ELF2: variants seen among roughly 807,000 people sequenced by gnomAD.
ELF2 encodes the protein ETS-related transcription factor Elf-2.
A neutral mutation model predicts 54.8 loss-of-function variants in ELF2; 11 were observed. The ratio of observed to expected loss-of-function variants is 0.20; its 90% CI spans 0.13 to 0.33. ELF2 has a LOEUF of 0.33. Ranked by LOEUF, ELF2 falls within the 10% of genes least tolerant of loss-of-function variation. The pLI is 1.00. For synonymous variants in ELF2, 203 were observed against 245.1 expected, an observed-to-expected ratio of 0.83 and a Z score of 1.61; for missense variants, 513 against 703.0, an observed-to-expected ratio of 0.73 and a Z score of 3.06.
intron 4 of ELF2, among the ~76,000 whole-genome samples, chr4:139,103,847 T>G (rs910371922): frequency 6.6e-6 from 1 of 152,248 alleles, no homozygotes; most frequent in African/African-American, 2.4e-5. Flanking sequence ...GTTGAGAGCA[T>G]AGTGAGACAA....
At chr4:139,172,879 T>C (rs1198547128) in intron 1 of ELF2, among the ~76,000 whole-genome samples, 1 of 5,904 alleles carries the variant, frequency 1.7e-4, no homozygotes, top group Non-Finnish European at 2.8e-4. Flanking sequence ...CCCACACAGA[T>C]AACGGGGGGG....
intron 4 of ELF2, chr4:139,084,217 T>G (rs772919151): frequency 1.9e-6 from 3 of 1,612,596 alleles, no homozygotes; most frequent in Non-Finnish European, 1.7e-6. Context: ...GAGCTGCTGC[T>G]TCACATTGAC....
Position 139,151,965 on chromosome 4 carries a change from A to G in ELF2, c.-251-12468T>C, listed in dbSNP as rs537021731. Among the ~76,000 whole-genome samples the G allele has an allele frequency of 2.0e-5, 3 of 152,348 alleles. No homozygotes were observed. The South Asian group carries it at 6.2e-4, about 32-fold the overall frequency. ...AATTATCTTACTTGCTATTACACCA[A>G]TCATATCTGAAACACCTAACAGATC... On this transcript the variant is annotated intron_variant, in intron 1 of 9. Coordinates refer to ENST00000686138, the MANE Select transcript of ELF2 (RefSeq NM_001331036.3).
At chr4:139,084,444 C>CAGGGGCAGG (rs1191717767) in intron 4 of ELF2, 11 of 1,146,216 alleles carry the variant, frequency 9.6e-6, no homozygotes, top group African/African-American at 6.6e-5. Flanking sequence ...GCAGGGGCGG[C>CAGGGGCAGG]GGCGGCGGCG....
chr4:139,132,412 A>T (rs1238585660), intron 3 of ELF2, among the ~76,000 whole-genome samples: 1 of 152,136 alleles, frequency 6.6e-6, no homozygotes, highest in Admixed American at 6.5e-5. Flanking sequence ...GTTCCCTCAT[A>T]CCTAACTTTA....
intron 3 of ELF2, among the ~76,000 whole-genome samples, chr4:139,133,174 G>T (rs1737725776): frequency 6.6e-6 from 1 of 152,022 alleles, no homozygotes; most frequent in Non-Finnish European, 1.5e-5. Context: ...GCCCGCCTCG[G>T]CTTCCGAAAA....
intron 4 of ELF2, chr4:139,102,261 G>T (rs922042438): frequency 6.6e-6 from 1 of 151,650 alleles, no homozygotes; most frequent in Non-Finnish European, 1.5e-5. Context: ...AGTGGCTCAC[G>T]CCTGTCATCC....
At chr4:139,071,057 T>C (rs1729436913) in intron 6 of ELF2, among the ~76,000 whole-genome samples, 1 of 152,156 alleles carries the variant, frequency 6.6e-6, no homozygotes, top group Admixed American at 6.5e-5. Flanking sequence ...TTACTGCCCA[T>C]TTCCTCATGA....
At chr4:139,089,324 G>C (rs908387156) in intron 4 of ELF2, among the ~76,000 whole-genome samples, 2 of 152,026 alleles carry the variant, frequency 1.3e-5, no homozygotes, top group Non-Finnish European at 2.9e-5. Context: ...AACCACACAG[G>C]AATTGCTAAA....
intron 4 of ELF2, chr4:139,084,196 T>TC (rs759459598): frequency 6.2e-7 from 1 of 1,613,292 alleles, no homozygotes; most frequent in African/African-American, 1.3e-5. Context: ...GCCATGTTTA[T>TC]CCCGGGGCTG....
intron 4 of ELF2, among the ~76,000 whole-genome samples, chr4:139,091,924 C>A (rs1287841409): frequency 6.7e-6 from 1 of 148,816 alleles, no homozygotes; most frequent in African/African-American, 2.5e-5. Context: ...TATATATACA[C>A]ACATATATAT....
chr4:139,141,231 T>C (rs1738666503), intron 1 of ELF2, among the ~76,000 whole-genome samples: 1 of 152,178 alleles, frequency 6.6e-6, no homozygotes. Flanking sequence ...CATCCTTCTA[T>C]CTTGACTAAT....
intron 4 of ELF2, chr4:139,116,702 T>C: frequency 1.0e-6 from 1 of 985,440 alleles, no homozygotes; most frequent in Non-Finnish European, 1.2e-6. Flanking sequence ...AATCCTAGGA[T>C]AGGGGCTCGT....
chr4:139,062,216 G>A, intron 7 of ELF2, 159 bp from the exon 8 acceptor site: 2 of 705,374 alleles, frequency 2.8e-6, no homozygotes, highest in Non-Finnish European at 4.4e-6. Context: ...TGTCGCCCAG[G>A]CTGGAGTGCA....
chr4:139,127,419 A>T (rs1409649318), intron 3 of ELF2, among the ~76,000 whole-genome samples: 1 of 152,180 alleles, frequency 6.6e-6, no homozygotes, highest in Non-Finnish European at 1.5e-5. Flanking sequence ...AGTGAACCTG[A>T]CTATTCAGCT....
chr4:139,130,057 C>G (rs1197392478), intron 3 of ELF2, among the ~76,000 whole-genome samples: 1 of 152,110 alleles, frequency 6.6e-6, no homozygotes, highest in East Asian at 1.9e-4. Context: ...CTCACCCAAT[C>G]TGACTATGTC....
intron 7 of ELF2, among the ~76,000 whole-genome samples, chr4:139,064,046 C>T (rs142191900): frequency 9.5e-4 from 144 of 152,324 alleles, no homozygotes; most frequent in Middle Eastern, 3.4e-3. Flanking sequence ...AGGTGGCTCA[C>T]GCCTGTAATC....
rs1002583205 is a variant in ELF2, at chr4:139,058,407, G to GTGTATATATATATATATATATATA, written c.*575_*576insTATATATATATATATATATATACA. 2.1e-5 allele frequency: 3 copies of GTGTATATATATATATATATATATA among 142,158 alleles called. No homozygotes were observed. Among genetic ancestry groups the GTGTATATATATATATATATATATA allele is most frequent in the African/African-American group, 7.7e-5 (3 of 38,822 alleles). The allele number at this position is 142,158 out of a possible 1,614,324, so 8.8% of individuals were successfully genotyped here. ...AGCTATATGATATATATATATGTAT[G>GTGTATATATATATATATATATATA]TATATATATATATATATATATATAA... On this transcript the variant is annotated 3_prime_UTR_variant, in exon 10 of 10. Transcript: ENST00000686138.
At chr4:139,155,669 TTTG>T (rs1174885604) in intron 1 of ELF2, among the ~76,000 whole-genome samples, 1 of 152,238 alleles carries the variant, frequency 6.6e-6, no homozygotes, top group East Asian at 1.9e-4. Flanking sequence ...GTCATTCTTA[TTTG>T]TTAAGACAAA....
Sources: gnomAD v4.1 joint callset for allele counts (sites outside exome capture counted in the v4.1 genomes callset) on GRCh38, gnomAD v4.1.1 for gene constraint, MANE v1.5 for transcripts, NCBI Gene and HGNC (gene_info 2026-07-23, HGNC 2026-07-21) for gene names.